The following APC2 variants were observed in gnomAD, a reference collection of about 807,000 sequenced individuals.
APC2 encodes the protein APC regulator of Wnt signaling pathway 2, also known as adenomatous polyposis coli protein 2.
APC2 carries 41 observed loss-of-function variants against 72.5 expected under a neutral mutation model. That is an observed-to-expected ratio of 0.57 (90% CI 0.44 to 0.73). APC2 has a LOEUF of 0.73. Among genes scored for constraint, APC2 ranks in the 30% least tolerant of loss-of-function variants. APC2 has a pLI of 0.00. For synonymous variants in APC2, 1,898 were observed against 1,612.0 expected (o/e 1.18, Z -4.25); for missense variants, 3,729 against 3,403.4 (o/e 1.10, Z -2.38).
At chr19:1,456,800 A>T in intron 8 of APC2, 53 bp from the exon 9 acceptor site, 1 of 1,551,922 alleles carries the variant, frequency 6.4e-7, no homozygotes, top group South Asian at 1.2e-5. Flanking sequence ...CCGGGTTTCC[A>T]GGTGTGCGGG....
Position 1,461,955 on chromosome 19 carries a change from T to G in APC2, c.1639-8T>G. The G allele has an allele frequency of 1.7e-6, 2 of 1,143,252 alleles. No homozygotes were observed. The highest frequency in any genetic ancestry group is 2.5e-6 in the Non-Finnish European group (2 of 806,900). 70.8% of individuals were successfully genotyped at this position (1,143,252 alleles called of 1,614,324 possible). A position where few individuals can be genotyped will look rare whatever the true frequency, so the allele number is the denominator to read the frequency against. On this transcript the variant is annotated splice_region_variant and splice_polypyrimidine_tract_variant and intron_variant, in intron 13 of 14. Coordinates refer to ENST00000590469, the MANE Select transcript of APC2 (RefSeq NM_005883.3). ...CCCTGACCCGCCCCTCTCCCGCCCCTCGTCCAGGAGTCCACCCTGAAGAGC... is the reference window on the plus strand; with the variant it reads ...CCCTGACCCGCCCCTCTCCCGCCCCGCGTCCAGGAGTCCACCCTGAAGAGC...
Position 1,466,299 on chromosome 19 carries a change from C to A in APC2, c.2998C>A (p.Gln1000Lys), listed in dbSNP as rs189432097. The change falls in exon 15 of 15, where the codon CAG (glutamine) becomes AAG (lysine). Residue 1000 changes from glutamine (Q) to lysine (K), a missense_variant. Gln to Lys is a moderately conservative substitution (Grantham distance 53). Transcript: ENST00000590469. ...CACCATCAAGCTGTCGCCTACCTAT[C>A]AGCACGTGCCACTGCTTGAGGGTGC... ...VRTIKLSPTY[Q>K]HVPLLEGASR... 3.5e-5 allele frequency: 53 copies of A among 1,536,094 alleles called. No homozygotes were observed. In the African/African-American group the frequency reaches 5.9e-4, roughly 17 times the overall value.
chr19:1,468,037 TGA>T lies in APC2; in HGVS notation c.4738_4739del (p.Ser1580LeufsTer79). The stretch of plus-strand genomic sequence containing the variant: ...GACGAGACCCCGCCCTGCTACTCCC[TGA>T]GCTCCTCCGCCAGCTCCCTCAGCGA... On this transcript the variant is annotated frameshift_variant, in exon 15 of 15. Coordinates refer to ENST00000590469, the MANE Select transcript of APC2 (RefSeq NM_005883.3). LOFTEE classifies it low-confidence loss of function (END_TRUNC). The T allele has an allele frequency of 6.3e-7, 1 of 1,581,520 alleles. No individual in the cohort carries two copies. Among genetic ancestry groups the T allele is most frequent in the South Asian group, 1.1e-5 (1 of 89,220 alleles).
intron 4 of APC2, 23 bp from the exon 5 acceptor site, chr19:1,455,126 G>A: frequency 2.6e-6 from 4 of 1,513,662 alleles, no homozygotes; most frequent in Non-Finnish European, 2.7e-6. Flanking sequence ...CTCTGAGCCC[G>A]CCCCCGCTGA....
chr19:1,462,205 C>T (rs889834640), intron 14 of APC2, 28 bp downstream of exon 14: 17 of 1,516,046 alleles, frequency 1.1e-5, no homozygotes, highest in Non-Finnish European at 1.4e-5. Flanking sequence ...CACCCGCACA[C>T]AGGCAGCTGC....
At chr19:1,450,437 A>G in intron 1 of APC2, 99 bp downstream of exon 1, 1 of 893,124 alleles carries the variant, frequency 1.1e-6, no homozygotes, top group Non-Finnish European at 1.3e-6. Context: ...CAGACTCTGG[A>G]CCCTCCATTT....
chr19:1,467,427 T>C lies in APC2; in HGVS notation c.4126T>C (p.Leu1376=). ...CGCACTCCCCGTGCCCGTCTACATG[T>C]TGGTGCCCGCCCCGGCCCCGGCCCA... is the stretch of plus-strand genomic sequence containing the variant. ...RRALPVPVYM[L]VPAPAPAQED... Residue 1376 remains leucine, a synonymous_variant, in exon 15 of 15, where the codon TTG becomes CTG. Coordinates refer to ENST00000590469, the MANE Select transcript of APC2 (RefSeq NM_005883.3). The C allele has an allele frequency of 3.4e-6, 5 of 1,486,350 alleles. No homozygotes were observed. Among genetic ancestry groups the C allele is most frequent in the Non-Finnish European group, 4.5e-6 (5 of 1,123,132 alleles). 92.1% of individuals were successfully genotyped at this position (1,486,350 alleles called of 1,614,324 possible).
chr19:1,455,757 A>G (rs566452386), intron 6 of APC2, among the ~76,000 whole-genome samples: 1 of 151,664 alleles, frequency 6.6e-6, no homozygotes, highest in African/African-American at 2.4e-5. Context: ...GGGCAGGGCC[A>G]GATCAGCAGG....
chr19:1,462,574 G>A (rs1178421231), intron 14 of APC2, among the ~76,000 whole-genome samples: 1 of 144,684 alleles, frequency 6.9e-6, no homozygotes, highest in African/African-American at 2.6e-5. Context: ...AGAATCGTTT[G>A]AACCCAGGAG....
At position 1,467,285 on chromosome 19, in the gene APC2, G is replaced by A; in HGVS notation, c.3984G>A (p.Thr1328=). The change falls in exon 15 of 15, where the codon ACG becomes ACA. Residue 1328 remains threonine, a synonymous_variant. Coordinates refer to ENST00000590469, the MANE Select transcript of APC2 (RefSeq NM_005883.3). ...HRRREEGPAP[T]GSRPRGAADQ... ...GGCGGGAGGAGGGGCCGGCGCCCACGGGTTCTCGCCCTCGCGGCGCCGCGG... is the reference window on the plus strand; with the variant it reads ...GGCGGGAGGAGGGGCCGGCGCCCACAGGTTCTCGCCCTCGCGGCGCCGCGG... 5 of 1,315,446 alleles carry A rather than the reference G, an allele frequency of 3.8e-6. No individual in the cohort carries two copies. Among genetic ancestry groups the A allele is most frequent in the East Asian group, 3.1e-5 (1 of 32,020 alleles). 81.5% of individuals were successfully genotyped at this position (1,315,446 alleles called of 1,614,324 possible).
chr19:1,453,096 A>G lies in APC2; in HGVS notation c.95A>G (p.Asn32Ser). The change falls in exon 2 of 15, where the codon AAC becomes AGC. Residue 32 changes from asparagine to serine, a missense_variant. Coordinates refer to ENST00000590469, the MANE Select transcript of APC2 (RefSeq NM_005883.3). ...NSHLRQELRD[N>S]SSHLSKLETE... ...CACCTGAGGCAGGAGCTAAGGGACAACTCCAGCCACCTGTCCAAGCTGGAG... is the reference window on the plus strand; with the variant it reads ...CACCTGAGGCAGGAGCTAAGGGACAGCTCCAGCCACCTGTCCAAGCTGGAG... 1.9e-6 allele frequency: 3 copies of G among 1,608,210 alleles called. No individual in the cohort carries two copies. The highest frequency in any genetic ancestry group is 1.7e-6 in the Non-Finnish European group (2 of 1,178,218).
rs573294095 is a variant in APC2 at position 1,464,725 on chromosome 19, C to T, written c.1854-430C>T. Among the ~76,000 whole-genome samples, 14 of 150,270 alleles carry T rather than the reference C, an allele frequency of 9.3e-5. No individual in the cohort carries two copies. The East Asian group carries it at 1.8e-3, about 19-fold the overall frequency. ...TCGGCTCACTGCAGCCTCTACCTCC[C>T]GGGTTCAAGCAGTGCTCGTGCCTCG... is the stretch of plus-strand genomic sequence containing the variant. On this transcript the variant is annotated intron_variant, in intron 14 of 14. Transcript: ENST00000590469.
intron 5 of APC2, 21 bp downstream of exon 5, chr19:1,455,278 G>A: frequency 1.3e-6 from 2 of 1,564,918 alleles, no homozygotes; most frequent in South Asian, 1.2e-5. Flanking sequence ...CGGGGAGCCA[G>A]GGGGCAGCGC....
upstream of APC2, among the ~76,000 whole-genome samples, chr19:1,449,796 G>A (rs1056922649): frequency 5.3e-5 from 8 of 152,140 alleles, no homozygotes; most frequent in Admixed American, 5.2e-4. Context: ...CCCCTCCCCC[G>A]CCAAGATGCT....
chr19:1,466,859 C>A lies in APC2; in HGVS notation c.3558C>A (p.Ser1186Arg). 6.4e-7 allele frequency: 1 copy of A among 1,561,272 alleles called. No homozygotes were observed. The highest frequency in any genetic ancestry group is 1.2e-5 in the South Asian group (1 of 85,382). ...GCTCCATCCCCAGTGAACCTTGCAG[C>A]GGGCAGGGCAGCGGCACCATCAGCC... ...IASSIPSEPC[S>R]GQGSGTISPS... Residue 1186 changes from serine (S) to arginine (R), a missense_variant, in exon 15 of 15, where the codon AGC (serine) becomes AGA (arginine). Transcript: ENST00000590469.
At position 1,469,992 on chromosome 19, in the gene APC2, G is replaced by A. The variant is rs200037573; in HGVS notation, c.6691G>A (p.Asp2231Asn). The A allele has an allele frequency of 9.9e-5, 152 of 1,533,154 alleles. 1 individual carries two copies. In the African/African-American group the frequency reaches 1.4e-3, roughly 14 times the overall value. The allele number at this position is 1,533,154 out of a possible 1,614,324, so 95.0% of individuals were successfully genotyped here. A position where few individuals can be genotyped will look rare whatever the true frequency, so the allele number is the denominator to read the frequency against. ...GQLSLLGSDV[D>N]GPSLAKAPIS... ...GCTCTCCCTCCTCGGCAGCGACGTG[G>A]ACGGTCCCAGCCTCGCCAAGGCTCC... Residue 2231 changes from aspartate (D) to asparagine (N), a missense_variant, in exon 15 of 15, where the codon GAC (aspartate) becomes AAC (asparagine). Transcript: ENST00000590469.
In APC2 at chr19:1,469,189, C is replaced by CG; in HGVS notation, c.5893dup (p.Ala1965GlyfsTer188). On this transcript the variant is annotated frameshift_variant, in exon 15 of 15. Transcript: ENST00000590469. LOFTEE classifies it low-confidence loss of function (END_TRUNC). ...GGCCGGGCGGGGACCGAGGCGGGCC[C>CG]GGGGGCGCGCGGGGGCCGCCTGGGC... The CG allele has an allele frequency of 1.6e-6, 2 of 1,284,896 alleles. No homozygotes were observed. Among genetic ancestry groups the CG allele is most frequent in the Non-Finnish European group, 2.0e-6 (2 of 1,014,934 alleles). The allele number at this position is 1,284,896 out of a possible 1,614,324, so 79.6% of individuals were successfully genotyped here. A position where few individuals can be genotyped will look rare whatever the true frequency, so the allele number is the denominator to read the frequency against.
chr19:1,455,071 T>C, intron 4 of APC2, 78 bp from the exon 5 acceptor site: 4 of 877,940 alleles, frequency 4.6e-6, no homozygotes, highest in Non-Finnish European at 4.9e-6. Flanking sequence ...CAGTAAGCGC[T>C]AACAAGTGAT....
chr19:1,467,219 G>A lies in APC2; in HGVS notation c.3918G>A (p.Gly1306=). Reference sequence around the variant, plus strand: ...CCTCGGCCTGCCCCGAGCGCGGCGGGGGCGCCGGGGGCGCCGGCCTCCACT... The same window carrying A: ...CCTCGGCCTGCCCCGAGCGCGGCGGAGGCGCCGGGGGCGCCGGCCTCCACT... ...LLPSACPERG[G]GAGGAGLHFA... The change falls in exon 15 of 15, where the codon GGG becomes GGA. Residue 1306 remains glycine (G), a synonymous_variant. Transcript: ENST00000590469. The A allele has an allele frequency of 7.3e-7, 1 of 1,371,616 alleles. No homozygotes were observed. The highest frequency in any genetic ancestry group is 9.4e-7 in the Non-Finnish European group (1 of 1,067,100). The allele number at this position is 1,371,616 out of a possible 1,614,324, so 85.0% of individuals were successfully genotyped here.
Sources: allele counts gnomAD v4.1 joint callset (sites outside exome capture counted in the v4.1 genomes callset), GRCh38; gene constraint gnomAD v4.1.1; transcripts MANE v1.5; gene names NCBI Gene and HGNC (gene_info 2026-07-23, HGNC 2026-07-21).